Variants in PDE7B observed in about 807,000 individuals in gnomAD.
PDE7B encodes the protein phosphodiesterase 7B, also known as 3',5'-cyclic-AMP phosphodiesterase 7B.
A neutral mutation model predicts 56.2 loss-of-function variants in PDE7B; 29 were observed. The observed-to-expected ratio is 0.52, with a 90% CI of 0.38 to 0.70. The LOEUF (loss-of-function observed/expected upper bound fraction) is 0.70, where lower values mean the gene tolerates loss of function less well. PDE7B is among the 30% of genes least tolerant of loss of function. The pLI is 0.00. For missense variants in PDE7B, 490 were observed against 565.0 expected (o/e 0.87, Z 1.35); for synonymous variants, 197 against 196.9 (o/e 1.00, Z 0.00).
intron 2 of PDE7B, among the ~76,000 whole-genome samples, chr6:135,999,025 T>C (rs144963225): frequency 6.6e-6 from 1 of 152,062 alleles, no homozygotes; most frequent in African/African-American, 2.4e-5. Flanking sequence ...AAGAGAACGG[T>C]GAATTTATCA....
intron 2 of PDE7B, among the ~76,000 whole-genome samples, chr6:136,013,964 G>T (rs1038704166): frequency 1.3e-5 from 2 of 152,112 alleles, no homozygotes; most frequent in African/African-American, 4.8e-5. Context: ...TTCTCTGAGC[G>T]GTTCTTCCTG....
intron 2 of PDE7B, among the ~76,000 whole-genome samples, chr6:136,076,678 C>T (rs969958054): frequency 6.6e-6 from 1 of 152,040 alleles, no homozygotes; most frequent in Non-Finnish European, 1.5e-5. Context: ...TCCCTTTCAC[C>T]CTGGCAGAAG....
At chr6:135,942,889 T>C (rs1225432231) in intron 1 of PDE7B, among the ~76,000 whole-genome samples, 1 of 152,290 alleles carries the variant, frequency 6.6e-6, no homozygotes, top group South Asian at 2.1e-4. Flanking sequence ...ATATCACATT[T>C]TCTTTAGCCA....
intron 9 of PDE7B, among the ~76,000 whole-genome samples, chr6:136,177,677 C>A (rs969430314): frequency 8.6e-5 from 13 of 151,756 alleles, no homozygotes; most frequent in Admixed American, 3.3e-4. Flanking sequence ...CTGCTGGGAG[C>A]AAAAATTTAT....
chr6:136,179,117 A>C lies in PDE7B; in HGVS notation c.924A>C (p.Ala308=), dbSNP rs1303188503. 5 of 1,614,142 alleles carry C rather than the reference A, an allele frequency of 3.1e-6. No individual in the cohort carries two copies. In the South Asian group the frequency reaches 4.4e-5, roughly 14 times the overall value. Residue 308 remains alanine, a synonymous_variant, in exon 10 of 13, where the codon GCA becomes GCC. Transcript: ENST00000308191. ...ATAAAGACTTAAGACTGGAGGATGCACAGGACAGGCACTTTATGCTTCAGG... is the reference window on the plus strand; with the variant it reads ...ATAAAGACTTAAGACTGGAGGATGCCCAGGACAGGCACTTTATGCTTCAGG... ...LHNKDLRLED[A]QDRHFMLQIA...
intron 1 of PDE7B, among the ~76,000 whole-genome samples, chr6:135,941,344 C>T (rs1436620356): frequency 6.6e-6 from 1 of 152,212 alleles, no homozygotes; most frequent in Non-Finnish European, 1.5e-5. Context: ...CTAGCACAGT[C>T]ATGGAGTGGG....
chr6:136,020,535 T>G (rs1478284333), intron 2 of PDE7B, among the ~76,000 whole-genome samples: 1 of 152,300 alleles, frequency 6.6e-6, no homozygotes, highest in Non-Finnish European at 1.5e-5. Flanking sequence ...ACCATCTCTC[T>G]GAGACAGGAG....
intron 2 of PDE7B, among the ~76,000 whole-genome samples, chr6:136,015,749 T>A (rs1191315032): frequency 3.3e-5 from 5 of 152,102 alleles, no homozygotes; most frequent in Admixed American, 6.5e-5. Flanking sequence ...TGAAAAAAAA[T>A]TTGACCAGGT....
At chr6:135,912,270 T>G (rs1776225952) in intron 1 of PDE7B, among the ~76,000 whole-genome samples, 1 of 151,856 alleles carries the variant, frequency 6.6e-6, no homozygotes. Flanking sequence ...CATGGCAAAA[T>G]GAAAATATTA....
intron 2 of PDE7B, among the ~76,000 whole-genome samples, chr6:136,003,620 T>G (rs1199583875): frequency 6.6e-6 from 1 of 152,232 alleles, no homozygotes; most frequent in Non-Finnish European, 1.5e-5. Context: ...GATAAATTCC[T>G]GGACACATAC....
intron 2 of PDE7B, among the ~76,000 whole-genome samples, chr6:136,056,337 G>T (rs1300503158): frequency 6.6e-6 from 1 of 152,126 alleles, no homozygotes; most frequent in East Asian, 1.9e-4. Flanking sequence ...TTATAACGGT[G>T]ATATGACTTC....
chr6:136,081,941 CA>C (rs1777211816), intron 2 of PDE7B, among the ~76,000 whole-genome samples: 1 of 152,184 alleles, frequency 6.6e-6, no homozygotes, highest in Non-Finnish European at 1.5e-5. Flanking sequence ...GAGAGGTGGT[CA>C]AACTACAGCT....
chr6:136,050,502 G>T (rs970138284), intron 2 of PDE7B, among the ~76,000 whole-genome samples: 2 of 152,094 alleles, frequency 1.3e-5, no homozygotes, highest in Non-Finnish European at 2.9e-5. Flanking sequence ...GTGGTAGCTG[G>T]TAGTTGCTTA....
chr6:135,867,391 G>C (rs538319082), intron 1 of PDE7B, among the ~76,000 whole-genome samples: 1 of 152,092 alleles, frequency 6.6e-6, no homozygotes, highest in Non-Finnish European at 1.5e-5. Flanking sequence ...ACATTAAATT[G>C]AAAACATGTT....
intron 1 of PDE7B, among the ~76,000 whole-genome samples, chr6:135,901,056 C>T (rs1017543927): frequency 6.6e-6 from 1 of 152,078 alleles, no homozygotes; most frequent in African/African-American, 2.4e-5. Flanking sequence ...GAAATGTGAC[C>T]ATCACAGACG....
At chr6:136,175,781 G>C (rs776580995) in intron 9 of PDE7B, among the ~76,000 whole-genome samples, 28 of 151,986 alleles carry the variant, frequency 1.8e-4, no homozygotes, top group Non-Finnish European at 4.1e-4. Context: ...GTTTTCTCAG[G>C]AAGTATTTGT....
chr6:136,090,302 T>G (rs1210731999), intron 2 of PDE7B, among the ~76,000 whole-genome samples: 4 of 152,266 alleles, frequency 2.6e-5, no homozygotes, highest in East Asian at 1.9e-4. Flanking sequence ...TTCCATAAAG[T>G]TGGTGATCAG....
chr6:136,062,264 A>C (rs1405359316), intron 2 of PDE7B, among the ~76,000 whole-genome samples: 1 of 152,222 alleles, frequency 6.6e-6, no homozygotes, highest in African/African-American at 2.4e-5. Context: ...TAAAGTAGAC[A>C]ACATGATGTT....
chr6:135,858,400 G>A (rs776152819), intron 1 of PDE7B, among the ~76,000 whole-genome samples: 11 of 152,076 alleles, frequency 7.2e-5, no homozygotes, highest in South Asian at 2.1e-4. Flanking sequence ...TGATCCACCC[G>A]CCTTGGCCTC....
Sources: allele counts gnomAD v4.1 joint callset (sites outside exome capture counted in the v4.1 genomes callset), GRCh38; gene constraint gnomAD v4.1.1; transcripts MANE v1.5; gene names NCBI Gene and HGNC (gene_info 2026-07-23, HGNC 2026-07-21).